The following CCDC66 variants were observed in gnomAD, a reference collection of about 807,000 sequenced individuals.
The protein encoded by CCDC66 is coiled-coil domain-containing protein 66.
Under a neutral mutation model 128.3 loss-of-function variants are expected in CCDC66, and 133 were observed. The observed-to-expected ratio is 1.04, with a 90% confidence interval of 0.90 to 1.20. The LOEUF is 1.20. Among genes scored for constraint, CCDC66 ranks in the 50% most tolerant of loss-of-function variants. The pLI, the probability that CCDC66 is intolerant of heterozygous loss-of-function variation, is 0.00. For synonymous variants in CCDC66, 387 were observed against 357.0 expected (o/e 1.08, Z -0.95); for missense variants, 1,126 against 1,075.5 (o/e 1.05, Z -0.66).
intron 10 of CCDC66, among the ~76,000 whole-genome samples, chr3:56,610,738 C>T (rs1156904215): frequency 1.3e-4 from 20 of 152,102 alleles, no homozygotes; most frequent in Admixed American, 1.3e-3. Context: ...GAGTGTTGTT[C>T]AGATTTTTTT....
chr3:56,592,022 C>A (rs1213769392), intron 7 of CCDC66, among the ~76,000 whole-genome samples: 1 of 152,164 alleles, frequency 6.6e-6, no homozygotes, highest in African/African-American at 2.4e-5. Flanking sequence ...ATCCTAAACT[C>A]ATCAATTAAA....
intron 10 of CCDC66, among the ~76,000 whole-genome samples, chr3:56,612,025 T>C (rs1470379054): frequency 6.6e-6 from 1 of 152,208 alleles, no homozygotes; most frequent in Non-Finnish European, 1.5e-5. Context: ...ATAGCTAAAA[T>C]TCACAATGCA....
intron 7 of CCDC66, chr3:56,572,337 C>T: frequency 7.8e-7 from 1 of 1,287,750 alleles, no homozygotes; most frequent in Non-Finnish European, 1.0e-6. Flanking sequence ...CTTCTGCTAG[C>T]TCTTCAAGCA....
intron 10 of CCDC66, among the ~76,000 whole-genome samples, chr3:56,611,887 G>T (rs1384909909): frequency 6.6e-6 from 1 of 152,166 alleles, no homozygotes. Context: ...GGAGAGGAGG[G>T]TCTCCCTTTC....
At chr3:56,595,711 A>G (rs1188975393) in intron 10 of CCDC66, among the ~76,000 whole-genome samples, 1 of 152,230 alleles carries the variant, frequency 6.6e-6, no homozygotes, top group African/African-American at 2.4e-5. Context: ...TCCTTTTGAT[A>G]TACAGATTTC....
intron 16 of CCDC66, 58 bp from the exon 17 acceptor site, chr3:56,619,719 A>G: frequency 2.5e-6 from 4 of 1,592,932 alleles, no homozygotes; most frequent in Admixed American, 3.4e-5. Context: ...TATATAGCAC[A>G]GGGCTATGTC....
At position 56,580,502 on chromosome 3, in the gene CCDC66, C is replaced by G. The variant is rs1036149634; in HGVS notation, c.936+9200C>G. Among the ~76,000 whole-genome samples, 4 of 151,760 alleles carry G rather than the reference C, an allele frequency of 2.6e-5. 1 individual carries two copies. The South Asian group carries it at 8.3e-4, about 31-fold the overall frequency. On this transcript the variant is annotated intron_variant, in intron 7 of 17. Coordinates refer to ENST00000394672, the MANE Select transcript of CCDC66 (RefSeq NM_001141947.3). ...ATTAGTTGATGCAGTTTCTTCCTAG[C>G]CTCGATGGTCTTTACAATTTGGCAT...
intron 17 of CCDC66, chr3:56,620,696 G>GT (rs2076351646): frequency 6.6e-6 from 1 of 152,230 alleles, no homozygotes; most frequent in Non-Finnish European, 1.5e-5. Flanking sequence ...TTTCTTTAGA[G>GT]TGACGAAGTG....
intron 10 of CCDC66, among the ~76,000 whole-genome samples, chr3:56,605,915 T>G (rs282528): frequency 1.3e-5 from 2 of 151,656 alleles, no homozygotes; most frequent in African/African-American, 4.9e-5. Context: ...AGGTAGGGGT[T>G]TTATCTATAA....
chr3:56,604,009 C>G (rs2073674176), intron 10 of CCDC66, among the ~76,000 whole-genome samples: 1 of 152,050 alleles, frequency 6.6e-6, no homozygotes, highest in Non-Finnish European at 1.5e-5. Context: ...GTTAGCTCTT[C>G]TTGTTGCATT....
chr3:56,576,961 G>A lies in CCDC66; in HGVS notation c.936+5659G>A, dbSNP rs144262824. ...AGTAATGGGATGGCTGGGTCAAATA[G>A]TATTTCTAGTTCTAGATCCTTGAGG... On this transcript the variant is annotated intron_variant, in intron 7 of 17. Coordinates refer to ENST00000394672, the MANE Select transcript of CCDC66 (RefSeq NM_001141947.3). Among the ~76,000 whole-genome samples, 412 of 151,922 alleles carry A rather than the reference G, an allele frequency of 2.7e-3. 5 individuals are homozygous for A. Among genetic ancestry groups the A allele is most frequent in the African/African-American group, 9.4e-3 (392 of 41,518 alleles).
intron 7 of CCDC66, among the ~76,000 whole-genome samples, chr3:56,580,210 T>C (rs2068095119): frequency 6.6e-6 from 1 of 151,858 alleles, no homozygotes; most frequent in South Asian, 2.1e-4. Context: ...AAGTCTGTTT[T>C]ATCAGAGACT....
intron 7 of CCDC66, among the ~76,000 whole-genome samples, chr3:56,578,793 G>C (rs187934577): frequency 6.6e-6 from 1 of 151,942 alleles, no homozygotes; most frequent in African/African-American, 2.4e-5. Context: ...TTTTTGATGT[G>C]CTGCTGGATT....
intron 7 of CCDC66, among the ~76,000 whole-genome samples, chr3:56,585,128 AGAGG>A (rs1169672359): frequency 4.7e-4 from 28 of 60,094 alleles, no homozygotes; most frequent in East Asian, 1.0e-3. Flanking sequence ...GGGGAGAGGG[AGAGG>A]GAGGGAGAGG....
chr3:56,613,600 T>C lies in CCDC66; in HGVS notation c.1416T>C (p.Thr472=). The change falls in exon 11 of 18, where the codon ACT becomes ACC. Residue 472 remains threonine (T), a synonymous_variant. Transcript: ENST00000394672. ...QKQLEHQKAI[T]AQVEEKRRKK... Reference sequence around the variant, plus strand: ...TTGCTTATGACTAGAAAGCCATCACTGCCCAGGTAGAAGAGAAGCGCAGGA... The same window carrying C: ...TTGCTTATGACTAGAAAGCCATCACCGCCCAGGTAGAAGAGAAGCGCAGGA... 6.2e-7 allele frequency: 1 copy of C among 1,612,188 alleles called. No homozygotes were observed. Among genetic ancestry groups the C allele is most frequent in the Non-Finnish European group, 8.5e-7 (1 of 1,179,514 alleles).
At position 56,600,147 on chromosome 3, in the gene CCDC66, ATC is replaced by A. The variant is rs1425242387; in HGVS notation, c.1404+6121_1404+6122del. Among the ~76,000 whole-genome samples, 4 of 99,920 alleles carry A rather than the reference ATC, an allele frequency of 4.0e-5. No individual in the cohort carries two copies. In the East Asian group the frequency reaches 1.0e-3, roughly 25 times the overall value. 65.6% of individuals were successfully genotyped at this position (99,920 alleles called of 152,430 possible). A position where few individuals can be genotyped will look rare whatever the true frequency, so the allele number is the denominator to read the frequency against. On this transcript the variant is annotated intron_variant, in intron 10 of 17. Coordinates refer to ENST00000394672, the MANE Select transcript of CCDC66 (RefSeq NM_001141947.3). Reference sequence around the variant, plus strand: ...CTGCAATAAACATACATGTGCACTTATCTTTTTTTTTTTTTTTTTTGAGACAG... The same window carrying A: ...CTGCAATAAACATACATGTGCACTTATTTTTTTTTTTTTTTTTTGAGACAG...
intron 11 of CCDC66, among the ~76,000 whole-genome samples, chr3:56,614,825 C>T (rs1186823890): frequency 6.6e-6 from 1 of 152,094 alleles, no homozygotes; most frequent in Non-Finnish European, 1.5e-5. Context: ...GGTCATAAAT[C>T]TTGTGTTTAC....
intron 10 of CCDC66, among the ~76,000 whole-genome samples, chr3:56,601,166 A>AAGGG (rs1411260727): frequency 6.6e-6 from 1 of 152,008 alleles, no homozygotes; most frequent in East Asian, 1.9e-4. Context: ...GTAAGGAAGG[A>AAGGG]GTCCAGTTTC....
At chr3:56,561,194 G>A (rs1452444504) in intron 3 of CCDC66, 1 of 454,946 alleles carries the variant, frequency 2.2e-6, no homozygotes, top group Admixed American at 2.4e-5. Context: ...CACAAATACA[G>A]TGGCCTTTAT....
Sources: gnomAD v4.1 joint callset for allele counts (sites outside exome capture counted in the v4.1 genomes callset) on GRCh38, gnomAD v4.1.1 for gene constraint, MANE v1.5 for transcripts, NCBI Gene and HGNC (gene_info 2026-07-23, HGNC 2026-07-21) for gene names.